The following NTM variants were observed in gnomAD, a reference collection of about 807,000 sequenced individuals.
The protein encoded by NTM is IgLON family member 2.
Under a neutral mutation model 42.1 loss-of-function variants are expected in NTM, and 13 were observed. The ratio of observed to expected loss-of-function variants is 0.31; its 90% CI spans 0.20 to 0.49. The LOEUF is 0.49. Ranked by LOEUF, NTM falls within the 20% of genes least tolerant of loss-of-function variation. NTM has a pLI of 0.99. For missense variants in NTM, 373 were observed against 452.8 expected, an observed-to-expected ratio of 0.82 and a Z score of 1.60; for synonymous variants, 187 against 179.2, an observed-to-expected ratio of 1.04 and a Z score of -0.35.
At chr11:132,180,806 C>T (rs1362423096) in intron 3 of NTM, among the ~76,000 whole-genome samples, 3 of 152,038 alleles carry the variant, frequency 2.0e-5, no homozygotes, top group Non-Finnish European at 4.4e-5. Context: ...GAACTAAAAC[C>T]CGGTGAGGCT....
At chr11:131,840,285 T>A (rs4937663) in intron 1 of NTM, among the ~76,000 whole-genome samples, 1 of 152,018 alleles carries the variant, frequency 6.6e-6, no homozygotes. Context: ...ATATTAAGGA[T>A]TAGGTGAGCA....
intron 1 of NTM, among the ~76,000 whole-genome samples, chr11:131,904,929 G>A (rs1436424874): frequency 3.9e-5 from 6 of 152,148 alleles, no homozygotes; most frequent in African/African-American, 1.2e-4. Context: ...TCAGCATGAC[G>A]TTCCTGCTCT....
chr11:132,108,802 C>A (rs1161125415), intron 2 of NTM, among the ~76,000 whole-genome samples: 1 of 151,866 alleles, frequency 6.6e-6, no homozygotes, highest in Non-Finnish European at 1.5e-5. Flanking sequence ...TTTGCTGCAC[C>A]CATCAACTCA....
intron 1 of NTM, among the ~76,000 whole-genome samples, chr11:131,857,590 T>C (rs1366155120): frequency 6.6e-6 from 1 of 152,200 alleles, no homozygotes; most frequent in African/African-American, 2.4e-5. Flanking sequence ...AGGAACCTTG[T>C]CTTTTTCTTT....
chr11:131,402,960 T>G (rs115839237), intron 1 of NTM, among the ~76,000 whole-genome samples: 3,745 of 152,326 alleles, frequency 0.025, 73 homozygotes, highest in African/African-American at 0.055. Flanking sequence ...ATACTCCATG[T>G]GGATGACAAG....
At chr11:132,029,359 G>T (rs1218205013) in intron 2 of NTM, among the ~76,000 whole-genome samples, 2 of 100,258 alleles carry the variant, frequency 2.0e-5, no homozygotes, top group Non-Finnish European at 3.7e-5. Flanking sequence ...CCCCACAACA[G>T]GCCCCGGTGT....
At chr11:132,298,989 ATAAAT>A (rs1222136403) in intron 4 of NTM, among the ~76,000 whole-genome samples, 1 of 152,182 alleles carries the variant, frequency 6.6e-6, no homozygotes, top group Non-Finnish European at 1.5e-5. Context: ...AATCTGGTTA[ATAAAT>A]TAATTTAAGA....
At chr11:131,680,725 T>C (rs62647626) in intron 1 of NTM, among the ~76,000 whole-genome samples, 2,203 of 9,232 alleles carry the variant, frequency 0.24, 6 homozygotes, top group South Asian at 0.27. Context: ...GTGCATATGT[T>C]TGCATAGGCA....
intron 4 of NTM, among the ~76,000 whole-genome samples, chr11:132,293,467 G>A (rs1402482877): frequency 6.6e-6 from 1 of 152,152 alleles, no homozygotes; most frequent in Non-Finnish European, 1.5e-5. Context: ...ATGCAGGAGA[G>A]GTTCCTGAGT....
At chr11:132,142,814 CT>C (rs1214500502) in intron 2 of NTM, among the ~76,000 whole-genome samples, 1 of 152,188 alleles carries the variant, frequency 6.6e-6, no homozygotes, top group Non-Finnish European at 1.5e-5. Flanking sequence ...GCTAGTGCAT[CT>C]GCAGACGAAC....
At chr11:131,815,927 C>T (rs1483350242) in intron 1 of NTM, among the ~76,000 whole-genome samples, 2 of 152,136 alleles carry the variant, frequency 1.3e-5, no homozygotes, top group African/African-American at 2.4e-5. Context: ...GGAGGCGGGG[C>T]TTGTGAGCTG....
intron 3 of NTM, among the ~76,000 whole-genome samples, chr11:132,205,062 G>A (rs1025506202): frequency 2.0e-5 from 3 of 152,188 alleles, no homozygotes; most frequent in African/African-American, 7.2e-5. Flanking sequence ...ATTCTGTAAA[G>A]ACAAAGGTCC....
At chr11:132,306,297 A>G (rs2095078162) in intron 4 of NTM, 1 of 152,138 alleles carries the variant, frequency 6.6e-6, no homozygotes, top group South Asian at 2.1e-4. Flanking sequence ...TTTTACAGCT[A>G]CTGTTTTCGT....
chr11:132,185,420 C>T (rs957946321), intron 3 of NTM, among the ~76,000 whole-genome samples: 1 of 152,196 alleles, frequency 6.6e-6, no homozygotes, highest in African/African-American at 2.4e-5. Context: ...ATAAGCCCTG[C>T]ATTTATAATG....
intron 1 of NTM, among the ~76,000 whole-genome samples, chr11:131,514,384 A>G (rs549615427): frequency 1.3e-5 from 2 of 152,298 alleles, no homozygotes; most frequent in African/African-American, 2.4e-5. Context: ...GGTATTATTA[A>G]TATTGGCCTT....
chr11:131,873,633 A>G (rs1443442560), intron 1 of NTM, among the ~76,000 whole-genome samples: 1 of 132,902 alleles, frequency 7.5e-6, no homozygotes. Flanking sequence ...ACATATATAT[A>G]TACACATATA....
At chr11:131,866,068 CCACA>C (rs1363780666) in intron 1 of NTM, among the ~76,000 whole-genome samples, 1 of 148,500 alleles carries the variant, frequency 6.7e-6, no homozygotes, top group Admixed American at 6.7e-5. Context: ...CACACACACC[CCACA>C]CACTCTCACA....
chr11:131,583,073 C>T (rs771555881), intron 1 of NTM, among the ~76,000 whole-genome samples: 42 of 152,196 alleles, frequency 2.8e-4, no homozygotes, highest in Non-Finnish European at 4.9e-4. Flanking sequence ...TTTGATGATC[C>T]AAATGCATCA....
chr11:131,647,449 G>A (rs1185209634), intron 1 of NTM, among the ~76,000 whole-genome samples: 1 of 152,198 alleles, frequency 6.6e-6, no homozygotes, highest in Non-Finnish European at 1.5e-5. Flanking sequence ...GTGGAGGGAG[G>A]TCATCTGGGG....
Sources: gnomAD v4.1 joint callset for allele counts (sites outside exome capture counted in the v4.1 genomes callset) on GRCh38, gnomAD v4.1.1 for gene constraint, MANE v1.5 for transcripts, NCBI Gene and HGNC (gene_info 2026-07-23, HGNC 2026-07-21) for gene names.